MEIKIN: variants seen among roughly 807,000 people sequenced by gnomAD.
MEIKIN encodes the protein meiosis-specific kinetochore protein.
intron 8 of MEIKIN, among the ~76,000 whole-genome samples, chr5:131,887,832 A>G (rs1199135621): frequency 4.0e-5 from 6 of 148,518 alleles, no homozygotes; most frequent in Non-Finnish European, 6.0e-5. Context: ...AGCATTAGGT[A>G]TATCTCCTAA....
chr5:131,809,061 T>TCAAA (rs34464164), intron 12 of MEIKIN, among the ~76,000 whole-genome samples: 118,679 of 151,262 alleles, frequency 0.78, 46,785 homozygotes, highest in Middle Eastern at 0.83. Context: ...ACACTCTGTC[T>TCAAA]CAAACAAACA....
intron 8 of MEIKIN, among the ~76,000 whole-genome samples, chr5:131,900,934 T>C (rs1473305335): frequency 6.6e-6 from 1 of 152,126 alleles, no homozygotes; most frequent in African/African-American, 2.4e-5. Context: ...CATTTGCCCA[T>C]GTCCAACACC....
At chr5:131,918,869 G>A (rs1751458395) in intron 6 of MEIKIN, among the ~76,000 whole-genome samples, 1 of 152,084 alleles carries the variant, frequency 6.6e-6, no homozygotes, top group East Asian at 1.9e-4. Context: ...TGCAACTATG[G>A]GGAACAAGCC....
chr5:131,938,234 T>A (rs963164529), intron 4 of MEIKIN, among the ~76,000 whole-genome samples: 2 of 147,218 alleles, frequency 1.4e-5, no homozygotes, highest in Admixed American at 1.4e-4. Flanking sequence ...TGGTATGATC[T>A]CAGCTCACTA....
chr5:131,913,872 A>G (rs1313653935), intron 7 of MEIKIN, among the ~76,000 whole-genome samples: 1 of 152,182 alleles, frequency 6.6e-6, no homozygotes, highest in Non-Finnish European at 1.5e-5. Context: ...ACTATTAGCC[A>G]TTGCTATGGT....
chr5:131,906,955 G>A (rs1751252952), intron 8 of MEIKIN, among the ~76,000 whole-genome samples: 1 of 151,998 alleles, frequency 6.6e-6, no homozygotes, highest in South Asian at 2.1e-4. Flanking sequence ...CCAAACTACT[G>A]TAACAGACAC....
At chr5:131,859,396 G>A (rs1750246028) in intron 9 of MEIKIN, among the ~76,000 whole-genome samples, 1 of 152,170 alleles carries the variant, frequency 6.6e-6, no homozygotes, top group South Asian at 2.1e-4. Context: ...CCTGGTGGGA[G>A]GTTATTGGAT....
intron 5 of MEIKIN, among the ~76,000 whole-genome samples, chr5:131,928,123 G>A (rs1291164788): frequency 7.4e-6 from 1 of 134,430 alleles, no homozygotes; most frequent in Non-Finnish European, 1.5e-5. Flanking sequence ...CAGCCTGGGC[G>A]ACAGAGCAAA....
At chr5:131,826,522 A>G (rs1580861064) in intron 11 of MEIKIN, among the ~76,000 whole-genome samples, 1 of 152,164 alleles carries the variant, frequency 6.6e-6, no homozygotes, top group Non-Finnish European at 1.5e-5. Flanking sequence ...ACTTAAATAT[A>G]CCTCGTAAAA....
At chr5:131,849,104 C>T (rs946531158) in intron 11 of MEIKIN, among the ~76,000 whole-genome samples, 31 of 152,160 alleles carry the variant, frequency 2.0e-4, no homozygotes, top group African/African-American at 7.0e-4. Context: ...GTGTCCCTGC[C>T]CAAATCTCAT....
chr5:131,904,867 C>T (rs1751218110), intron 8 of MEIKIN, among the ~76,000 whole-genome samples: 1 of 152,190 alleles, frequency 6.6e-6, no homozygotes, highest in Admixed American at 6.5e-5. Context: ...TGGAAACCAT[C>T]ATTCTCAGCA....
At position 131,927,638 on chromosome 5, in the gene MEIKIN, C is replaced by T. The variant is rs74978632; in HGVS notation, c.479-5697G>A. ...AATGTCTGTTTTATATATTTAGATG[C>T]TGATGTTGGGTGCATACATATTTAT... On this transcript the variant is annotated intron_variant, in intron 5 of 12. Coordinates refer to ENST00000442687, the MANE Select transcript of MEIKIN (RefSeq NM_001303622.2). 6.6e-5 allele frequency among the ~76,000 whole-genome samples: 10 copies of T among 152,210 alleles called. No homozygotes were observed. The East Asian group carries it at 1.9e-3, about 29-fold the overall frequency.
chr5:131,874,756 G>A (rs1437231248), intron 9 of MEIKIN, among the ~76,000 whole-genome samples: 1 of 152,188 alleles, frequency 6.6e-6, no homozygotes, highest in Non-Finnish European at 1.5e-5. Context: ...ATAAAATACT[G>A]GCAAACTGAA....
intron 12 of MEIKIN, among the ~76,000 whole-genome samples, chr5:131,815,752 C>T (rs145765443): frequency 0.025 from 3,878 of 152,236 alleles, 73 homozygotes; most frequent in Non-Finnish European, 0.039. Context: ...CTGTGATTAA[C>T]GTTAATGGAA....
In MEIKIN at chr5:131,859,221, A is replaced by G. The variant is rs567604276; in HGVS notation, c.775-4387T>C. Among the ~76,000 whole-genome samples, 114 of 152,316 alleles carry G rather than the reference A, an allele frequency of 7.5e-4. 1 individual carries two copies. The South Asian group carries it at 0.023, about 31-fold the overall frequency. On this transcript the variant is annotated intron_variant, in intron 9 of 12. Coordinates refer to ENST00000442687, the MANE Select transcript of MEIKIN (RefSeq NM_001303622.2). ...TGGATAAAGAAAATGTGGTACATAT[A>G]CACCATGGAATACTATTCAGGTGTA...
Position 131,807,150 on chromosome 5 carries a change from T to C in MEIKIN, c.*86A>G, listed in dbSNP as rs867534363. On this transcript the variant is annotated 3_prime_UTR_variant, in exon 13 of 13. Coordinates refer to ENST00000442687, the MANE Select transcript of MEIKIN (RefSeq NM_001303622.2). ...AGAATTTTTAATTTTTAATTTCATATAATTTCAGGCAGACATTCTGCTTTA... is the reference window on the plus strand; with the variant it reads ...AGAATTTTTAATTTTTAATTTCATACAATTTCAGGCAGACATTCTGCTTTA... 5.0e-6 allele frequency: 2 copies of C among 398,238 alleles called. No individual in the cohort carries two copies. The highest frequency in any genetic ancestry group is 2.1e-5 in the African/African-American group (1 of 48,622). The allele number at this position is 398,238 out of a possible 1,614,324, so 24.7% of individuals were successfully genotyped here. A position where few individuals can be genotyped will look rare whatever the true frequency, so the allele number is the denominator to read the frequency against.
chr5:131,872,067 T>A (rs79040743), intron 9 of MEIKIN, among the ~76,000 whole-genome samples: 1 of 151,776 alleles, frequency 6.6e-6, no homozygotes, highest in African/African-American at 2.4e-5. Context: ...GCAGAAAAAC[T>A]GGAAACTCTA....
At chr5:131,929,166 T>C (rs1029799241) in intron 5 of MEIKIN, among the ~76,000 whole-genome samples, 1 of 152,368 alleles carries the variant, frequency 6.6e-6, no homozygotes, top group African/African-American at 2.4e-5. Context: ...AATCCACTCA[T>C]AGTTTTATGG....
At chr5:131,870,074 C>T (rs1179184588) in intron 9 of MEIKIN, among the ~76,000 whole-genome samples, 1 of 152,142 alleles carries the variant, frequency 6.6e-6, no homozygotes, top group Non-Finnish European at 1.5e-5. Flanking sequence ...AAATTCCTTC[C>T]TAACACAAAG....
Sources: gnomAD v4.1 joint callset for allele counts (sites outside exome capture counted in the v4.1 genomes callset) on GRCh38, gnomAD v4.1.1 for gene constraint, MANE v1.5 for transcripts, NCBI Gene and HGNC (gene_info 2026-07-23, HGNC 2026-07-21) for gene names.